CDH12: variants seen among roughly 807,000 people sequenced by gnomAD.
The protein encoded by CDH12 is cadherin-12.
In CDH12, 41 loss-of-function variants were observed where a neutral mutation model predicts 74.1. The observed-to-expected ratio is 0.55, with a 90% CI of 0.43 to 0.72. The LOEUF (loss-of-function observed/expected upper bound fraction) is 0.72, where lower values mean the gene tolerates loss of function less well. CDH12 is among the 30% of genes least tolerant of loss of function. The pLI, the probability that CDH12 is intolerant of heterozygous loss-of-function variation, is 0.00. For missense variants in CDH12, 945 were observed against 977.2 expected, an observed-to-expected ratio of 0.97 and a Z score of 0.44; for synonymous variants, 399 against 355.0, an observed-to-expected ratio of 1.12 and a Z score of -1.39.
chr5:22,330,523 TGA>T (rs1035746718), intron 3 of CDH12, among the ~76,000 whole-genome samples: 1 of 151,548 alleles, frequency 6.6e-6, no homozygotes, highest in African/African-American at 2.4e-5. Context: ...GAGGTCGAGG[TGA>T]GTGGATCACG....
At chr5:21,763,459 A>C (rs1000357927) in intron 12 of CDH12, among the ~76,000 whole-genome samples, 1 of 152,218 alleles carries the variant, frequency 6.6e-6, no homozygotes, top group Non-Finnish European at 1.5e-5. Flanking sequence ...AAAAGATACT[A>C]AAGATTAAAT....
intron 3 of CDH12, among the ~76,000 whole-genome samples, chr5:22,351,692 A>G (rs1183573108): frequency 1.3e-5 from 2 of 152,218 alleles, no homozygotes; most frequent in Non-Finnish European, 2.9e-5. Context: ...GATTTGGGCA[A>G]TGGCTTTTTA....
At chr5:22,470,196 T>A (rs1356603831) in intron 2 of CDH12, among the ~76,000 whole-genome samples, 1 of 152,066 alleles carries the variant, frequency 6.6e-6, no homozygotes, top group Non-Finnish European at 1.5e-5. Context: ...GGTAAAAGGA[T>A]TCTTACTTTA....
intron 5 of CDH12, among the ~76,000 whole-genome samples, chr5:21,980,367 G>A (rs1322072309): frequency 6.6e-6 from 1 of 152,050 alleles, no homozygotes; most frequent in East Asian, 1.9e-4. Flanking sequence ...TGGAGGTAAT[G>A]AGGATGGTTG....
chr5:21,807,901 G>A (rs1747522733), intron 9 of CDH12, among the ~76,000 whole-genome samples: 1 of 152,018 alleles, frequency 6.6e-6, no homozygotes, highest in African/African-American at 2.4e-5. Context: ...GTTAATTAAG[G>A]AGATTTTACT....
At chr5:22,725,158 C>A (rs1264035341) in intron 1 of CDH12, among the ~76,000 whole-genome samples, 2 of 151,734 alleles carry the variant, frequency 1.3e-5, no homozygotes, top group Non-Finnish European at 2.9e-5. Context: ...TGACATCACA[C>A]CTAAATTCTC....
Position 22,633,568 on chromosome 5 carries a change from T to C in CDH12, c.-522-128204A>G, listed in dbSNP as rs146970808. Among the ~76,000 whole-genome samples the C allele has an allele frequency of 3.6e-3, 549 of 152,198 alleles. 1 individual carries two copies. The highest frequency in any genetic ancestry group is 0.01 in the African/African-American group (422 of 41,540). On this transcript the variant is annotated intron_variant, in intron 1 of 14. Coordinates refer to ENST00000382254, the MANE Select transcript of CDH12 (RefSeq NM_004061.5). Reference sequence around the variant, plus strand: ...GAGTAAAGTAGATGGACCTCTCCAGTTGTGGTGGGCCTCATCCCATTTCTT... The same window carrying C: ...GAGTAAAGTAGATGGACCTCTCCAGCTGTGGTGGGCCTCATCCCATTTCTT...
At chr5:21,980,872 CAATA>C (rs1426648918) in intron 5 of CDH12, among the ~76,000 whole-genome samples, 1 of 152,030 alleles carries the variant, frequency 6.6e-6, no homozygotes, top group Non-Finnish European at 1.5e-5. Flanking sequence ...TTTTCTGTAT[CAATA>C]AATATGAATT....
intron 11 of CDH12, among the ~76,000 whole-genome samples, chr5:21,767,595 A>G (rs1745098823): frequency 6.6e-6 from 1 of 151,694 alleles, no homozygotes; most frequent in Non-Finnish European, 1.5e-5. Context: ...ATTTAGAAAT[A>G]TCTAAATTTC....
intron 6 of CDH12, among the ~76,000 whole-genome samples, chr5:21,974,009 A>G (rs1756961847): frequency 6.6e-6 from 1 of 151,896 alleles, no homozygotes; most frequent in East Asian, 1.9e-4. Context: ...TCAAGGAGAG[A>G]TTATGGTCCT....
At chr5:22,057,519 C>T (rs1301226613) in intron 5 of CDH12, among the ~76,000 whole-genome samples, 1 of 152,108 alleles carries the variant, frequency 6.6e-6, no homozygotes, top group Non-Finnish European at 1.5e-5. Context: ...TCTCTTCCCT[C>T]CCGGGGGTGA....
intron 1 of CDH12, among the ~76,000 whole-genome samples, chr5:22,831,196 A>G (rs151285685): frequency 3.9e-5 from 6 of 152,290 alleles, no homozygotes; most frequent in African/African-American, 1.4e-4. Flanking sequence ...CTATAAAGAA[A>G]AAACTTTTTT....
At chr5:22,320,798 AT>A (rs1484846166) in intron 3 of CDH12, among the ~76,000 whole-genome samples, 1 of 152,206 alleles carries the variant, frequency 6.6e-6, no homozygotes, top group African/African-American at 2.4e-5. Flanking sequence ...GTTTTTACTT[AT>A]AGTACTTATT....
chr5:22,335,685 G>A (rs6873717), intron 3 of CDH12, among the ~76,000 whole-genome samples: 51,634 of 151,820 alleles, frequency 0.34, 8,877 homozygotes, highest in South Asian at 0.46. Flanking sequence ...GCTCCTTCTT[G>A]CCTTCCACCA....
chr5:22,647,052 G>T (rs148710928), intron 1 of CDH12, among the ~76,000 whole-genome samples: 1 of 151,746 alleles, frequency 6.6e-6, no homozygotes, highest in Non-Finnish European at 1.5e-5. Flanking sequence ...AGCATTACTG[G>T]GGGATAGTTT....
chr5:22,136,677 G>C (rs895280649), intron 4 of CDH12, among the ~76,000 whole-genome samples: 4 of 150,714 alleles, frequency 2.7e-5, no homozygotes, highest in African/African-American at 9.8e-5. Flanking sequence ...ATTAATAGAA[G>C]CATGTTTCTA....
At chr5:22,816,850 T>C (rs1749419103) in intron 1 of CDH12, among the ~76,000 whole-genome samples, 1 of 152,118 alleles carries the variant, frequency 6.6e-6, no homozygotes, top group Non-Finnish European at 1.5e-5. Context: ...AGCAAACTCA[T>C]ATAAAAAACC....
At chr5:22,186,318 G>C (rs73742060) in intron 4 of CDH12, among the ~76,000 whole-genome samples, 6,554 of 152,138 alleles carry the variant, frequency 0.043, 483 homozygotes, top group African/African-American at 0.15. Flanking sequence ...ACTTCATTTT[G>C]ATTTGAATTT....
At chr5:22,127,536 G>T (rs1358385778) in intron 4 of CDH12, among the ~76,000 whole-genome samples, 1 of 148,566 alleles carries the variant, frequency 6.7e-6, no homozygotes, top group Non-Finnish European at 1.5e-5. Context: ...GGTAAGGAAA[G>T]AATAGGTCAG....
Sources: allele counts gnomAD v4.1 joint callset (sites outside exome capture counted in the v4.1 genomes callset), GRCh38; gene constraint gnomAD v4.1.1; transcripts MANE v1.5; gene names NCBI Gene and HGNC (gene_info 2026-07-23, HGNC 2026-07-21).